The following VWF variants were observed in gnomAD, a reference collection of about 807,000 sequenced individuals.
The protein encoded by VWF is Factor VIII related antigen.
In VWF, 176 loss-of-function variants were observed where a neutral mutation model predicts 308.6. The ratio of observed to expected loss-of-function variants is 0.57; its 90% confidence interval spans 0.50 to 0.65. The LOEUF is 0.65. VWF is among the 30% of genes least tolerant of loss of function. The pLI is 0.00. For synonymous variants in VWF, 1,385 were observed against 1,443.4 expected, an observed-to-expected ratio of 0.96 and a Z score of 0.92; for missense variants, 3,146 against 3,648.2, an observed-to-expected ratio of 0.86 and a Z score of 3.55.
intron 28 of VWF, 44 bp from the exon 29 acceptor site, chr12:6,016,914 G>A (rs781097871): frequency 6.3e-7 from 1 of 1,591,564 alleles, no homozygotes; most frequent in South Asian, 1.1e-5. Context: ...TGCCAGCAGG[G>A]ACAATGGCCA....
chr12:6,062,193 C>T (rs1322434965), intron 13 of VWF, among the ~76,000 whole-genome samples: 2 of 152,040 alleles, frequency 1.3e-5, no homozygotes, highest in African/African-American at 2.4e-5. Context: ...GACCAAAAAG[C>T]GAGAACCACT....
chr12:6,034,142 T>C (rs1411758688), intron 20 of VWF, among the ~76,000 whole-genome samples: 1 of 152,120 alleles, frequency 6.6e-6, no homozygotes, highest in Non-Finnish European at 1.5e-5. Context: ...CCATTCTGAA[T>C]TGTACCAAGT....
At position 6,046,524 on chromosome 12, in the gene VWF, T is replaced by C. The variant is rs370605069; in HGVS notation, c.2281+199A>G. On this transcript the variant is annotated intron_variant, in intron 17 of 51. Coordinates refer to ENST00000261405, the MANE Select transcript of VWF (RefSeq NM_000552.5). This position sits in a 1 kb window ranked among gnomAD's most constrained non-coding sequence, Gnocchi z 5.0. ...ATACTCCTTGCCTCAATGGTCGGGA[T>C]TGACACATGCAAAGACATGCCTTGG... Among the ~76,000 whole-genome samples the C allele has an allele frequency of 4.6e-5, 7 of 152,394 alleles. 1 individual carries two copies. Among genetic ancestry groups the C allele is most frequent in the East Asian group, 1.9e-4 (1 of 5,190 alleles).
intron 6 of VWF, among the ~76,000 whole-genome samples, chr12:6,091,841 G>A (rs1945038000): frequency 6.6e-6 from 1 of 152,218 alleles, no homozygotes; most frequent in Admixed American, 6.5e-5. Context: ...GAAAGGGAGG[G>A]AGCCAGGCAG....
intron 47 of VWF, among the ~76,000 whole-genome samples, chr12:5,964,020 A>T (rs1433337688): frequency 6.6e-6 from 1 of 151,942 alleles, no homozygotes; most frequent in East Asian, 1.9e-4. Context: ...ATTCTGGTTA[A>T]CACGGTGAAA....
chr12:5,998,051 A>G (rs114787865), intron 34 of VWF, among the ~76,000 whole-genome samples: 1,584 of 152,280 alleles, frequency 0.01, 34 homozygotes, highest in African/African-American at 0.036. Flanking sequence ...TCCAAGTGAC[A>G]ATACAAATAT....
intron 6 of VWF, among the ~76,000 whole-genome samples, chr12:6,086,498 C>T (rs1174652614): frequency 6.6e-6 from 1 of 152,118 alleles, no homozygotes. Flanking sequence ...CAGGCTCTCC[C>T]CTGACAACTG....
At chr12:5,995,924 A>C in intron 35 of VWF, 78 bp downstream of exon 35, 1 of 1,420,498 alleles carries the variant, frequency 7.0e-7, no homozygotes, top group Middle Eastern at 2.4e-4. Context: ...CATCAACTAA[A>C]AGCAACTGCC....
At chr12:6,034,106 T>C (rs537805541) in intron 20 of VWF, among the ~76,000 whole-genome samples, 31 of 152,310 alleles carry the variant, frequency 2.0e-4, no homozygotes, top group Non-Finnish European at 1.5e-5. Flanking sequence ...AGGATGACTT[T>C]CCTGTGTCCC....
At chr12:6,078,213 A>G (rs922064311) in intron 6 of VWF, among the ~76,000 whole-genome samples, 2 of 152,172 alleles carry the variant, frequency 1.3e-5, no homozygotes, top group Non-Finnish European at 2.9e-5. Context: ...GTTGCCGAGC[A>G]TTATCACTTC....
rs566151253 is a variant in VWF at position 6,089,701 on chromosome 12, T to C, written c.657+5759A>G. 2.0e-5 allele frequency among the ~76,000 whole-genome samples: 3 copies of C among 152,206 alleles called. No individual in the cohort carries two copies. The East Asian group carries it at 5.8e-4, about 29-fold the overall frequency. The stretch of plus-strand genomic sequence containing the variant: ...TTTGTATTCCGAGGGTAGGGAACAT[T>C]TGTCAAGTACTTACTCTGCACTGGG... On this transcript the variant is annotated intron_variant, in intron 6 of 51. Transcript: ENST00000261405.
At chr12:6,029,781 G>A (rs1325902239) in intron 21 of VWF, among the ~76,000 whole-genome samples, 1 of 152,126 alleles carries the variant, frequency 6.6e-6, no homozygotes, top group Admixed American at 6.5e-5. Context: ...CAATGAGCAG[G>A]TATTTTATTG....
chr12:6,003,596 G>A (rs1168910700), intron 34 of VWF, among the ~76,000 whole-genome samples: 14 of 151,886 alleles, frequency 9.2e-5, no homozygotes, highest in Non-Finnish European at 1.5e-4. Context: ...TAAGCCAGTC[G>A]CAATAGGAAA....
chr12:6,044,127 C>G (rs192789149), intron 18 of VWF, among the ~76,000 whole-genome samples, 164 bp downstream of exon 18: 58 of 144,936 alleles, frequency 4.0e-4, no homozygotes, highest in Admixed American at 1.2e-3. Context: ...AGGGAGGAGA[C>G]AGAAGAGCCT....
intron 6 of VWF, among the ~76,000 whole-genome samples, chr12:6,091,245 T>C (rs959878152): frequency 2.3e-5 from 3 of 133,114 alleles, no homozygotes; most frequent in African/African-American, 8.5e-5. Context: ...ACTGAATTAA[T>C]AACCAGCTAA....
In VWF at chr12:5,985,058, G is replaced by A. The variant is rs556030217; in HGVS notation, c.6963C>T (p.Pro2321=). ...RLRQNADQCC[P]EYECVCDPVS... is the part of the protein sequence containing the mutation. ...TGGGACACATACCACACTCATACTCGGGGCAGCACTGGTCTGCATTCTGGC... is the reference window on the plus strand; with the variant it reads ...TGGGACACATACCACACTCATACTCAGGGCAGCACTGGTCTGCATTCTGGC... Residue 2321 remains proline, a synonymous_variant, in exon 40 of 52, where the codon CCC becomes CCT. Coordinates refer to ENST00000261405, the MANE Select transcript of VWF (RefSeq NM_000552.5). The A allele has an allele frequency of 3.7e-5, 59 of 1,614,028 alleles. No homozygotes were observed. The highest frequency in any genetic ancestry group is 6.7e-5 in the Admixed American group (4 of 60,002).
intron 31 of VWF, 68 bp downstream of exon 31, chr12:6,016,021 A>G: frequency 6.2e-7 from 1 of 1,606,278 alleles, no homozygotes; most frequent in South Asian, 1.1e-5. Context: ...ACCCCAGCCC[A>G]CTTTTAATCC....
Position 6,060,333 on chromosome 12 carries a change from G to A in VWF, c.1534-2289C>T, listed in dbSNP as rs546205870. On this transcript the variant is annotated intron_variant, in intron 13 of 51. Coordinates refer to ENST00000261405, the MANE Select transcript of VWF (RefSeq NM_000552.5). This position sits in a 1 kb window ranked among gnomAD's most constrained non-coding sequence, Gnocchi z 5.1. ...TGGAGCCTTGCTGCCTGGACCGCCA[G>A]CCCCACGGGGACAAAGCGTACATAA... is the stretch of plus-strand genomic sequence containing the variant. Among the ~76,000 whole-genome samples, 1 of 152,222 alleles carries A rather than the reference G, an allele frequency of 6.6e-6. No homozygotes were observed. Among genetic ancestry groups the A allele is most frequent in the Admixed American group, 6.5e-5 (1 of 15,298 alleles).
chr12:5,969,092 T>C, intron 45 of VWF, 119 bp downstream of exon 45: 1 of 1,167,864 alleles, frequency 8.6e-7, no homozygotes, highest in Non-Finnish European at 1.2e-6. Context: ...GATGGGAAGA[T>C]TTCGGTCCTA....
Sources: gnomAD v4.1 joint callset for allele counts (sites outside exome capture counted in the v4.1 genomes callset) on GRCh38, gnomAD v4.1.1 for gene constraint, Gnocchi (gnomAD v3.1) non-coding constraint, MANE v1.5 for transcripts, NCBI Gene and HGNC (gene_info 2026-07-23, HGNC 2026-07-21) for gene names.